The following ARID4B variants were observed in gnomAD, a reference collection of about 807,000 sequenced individuals.
The protein encoded by ARID4B is AT-rich interactive domain-containing protein 4B.
Under a neutral mutation model 147.5 loss-of-function variants are expected in ARID4B, and 26 were observed. The observed-to-expected ratio is 0.18, with a 90% CI of 0.13 to 0.24. The LOEUF is 0.24. ARID4B is among the 10% of genes least tolerant of loss of function. ARID4B has a pLI of 1.00. For synonymous variants in ARID4B, 512 were observed against 507.9 expected (o/e 1.01, Z -0.11); for missense variants, 1,179 against 1,511.5 (o/e 0.78, Z 3.65).
chr1:235,261,988 A>G (rs767070450), intron 2 of ARID4B, among the ~76,000 whole-genome samples: 1 of 152,224 alleles, frequency 6.6e-6, no homozygotes, highest in Non-Finnish European at 1.5e-5. Flanking sequence ...AATGTAAGCT[A>G]AAAGATCTGA....
chr1:235,196,168 A>T, intron 17 of ARID4B, 53 bp from the exon 18 acceptor site: 1 of 898,618 alleles, frequency 1.1e-6, no homozygotes. Context: ...CACGGAAATA[A>T]CCTATGCCAT....
At chr1:235,198,446 T>C (rs914250989) in intron 17 of ARID4B, among the ~76,000 whole-genome samples, 4 of 152,200 alleles carry the variant, frequency 2.6e-5, no homozygotes, top group African/African-American at 9.6e-5. Flanking sequence ...TAAAGGAAGA[T>C]TCCTTTATTA....
chr1:235,214,161 A>C, intron 16 of ARID4B, 135 bp from the exon 17 acceptor site: 3 of 1,098,464 alleles, frequency 2.7e-6, no homozygotes, highest in Non-Finnish European at 3.8e-6. Flanking sequence ...TGAAATTCTC[A>C]GAGTTTCATT....
chr1:235,210,462 A>ATTT (rs1339063938), intron 17 of ARID4B, among the ~76,000 whole-genome samples: 1 of 152,262 alleles, frequency 6.6e-6, no homozygotes, highest in East Asian at 1.9e-4. Flanking sequence ...GCTGATGAGG[A>ATTT]TTTGTTGCAG....
rs1671480460 is a variant in ARID4B, at chr1:235,278,506, T to C, written c.7-17754A>G. Among the ~76,000 whole-genome samples, 3 of 152,004 alleles carry C rather than the reference T, an allele frequency of 2.0e-5. No homozygotes were observed. In the South Asian group the frequency reaches 6.2e-4, roughly 32 times the overall value. ...TGCCAATCCATTTTCCCTAAGAAAA[T>C]GGTGAAGAGAGAATCTACTAGACTG... On this transcript the variant is annotated intron_variant, in intron 2 of 23. Coordinates refer to ENST00000264183, the MANE Select transcript of ARID4B (RefSeq NM_016374.6).
At chr1:235,170,774 A>C (rs767562197) in intron 23 of ARID4B, among the ~76,000 whole-genome samples, 3 of 151,612 alleles carry the variant, frequency 2.0e-5, no homozygotes, top group African/African-American at 4.8e-5. Context: ...TTAGCTGGGC[A>C]TGGCGGCACG....
At position 235,181,440 on chromosome 1, in the gene ARID4B, T is replaced by C. The variant is rs1340966619; in HGVS notation, c.3334+145A>G. On this transcript the variant is annotated intron_variant, in intron 20 of 23. Transcript: ENST00000264183. ...ATGCATTCCACTATTCATTTTCAAATTACCTTTAAAATTTCCATTTTTACC... is the reference window on the plus strand; with the variant it reads ...ATGCATTCCACTATTCATTTTCAAACTACCTTTAAAATTTCCATTTTTACC... The C allele has an allele frequency of 2.7e-6, 3 of 1,124,080 alleles. No homozygotes were observed. In the African/African-American group the frequency reaches 4.7e-5, roughly 18 times the overall value. 69.6% of individuals were successfully genotyped at this position (1,124,080 alleles called of 1,614,324 possible).
At chr1:235,234,306 A>C (rs1468222011) in intron 9 of ARID4B, 107 bp downstream of exon 9, 1 of 721,710 alleles carries the variant, frequency 1.4e-6, no homozygotes, top group African/African-American at 1.8e-5. Flanking sequence ...ATGAAAAATA[A>C]AAGCCTAAGG....
chr1:235,283,928 G>T (rs1671816317), intron 2 of ARID4B, among the ~76,000 whole-genome samples: 1 of 151,898 alleles, frequency 6.6e-6, no homozygotes, highest in Admixed American at 6.6e-5. Context: ...GTAGAGACGG[G>T]GTTTCGATAT....
At chr1:235,290,649 CT>C (rs1672279166) in intron 2 of ARID4B, among the ~76,000 whole-genome samples, 1 of 152,192 alleles carries the variant, frequency 6.6e-6, no homozygotes, top group Non-Finnish European at 1.5e-5. Context: ...TACATCTGTC[CT>C]ATACAGAACT....
chr1:235,228,649 T>G (rs1667999606), intron 11 of ARID4B: 2 of 59,722 alleles, frequency 3.3e-5, no homozygotes, highest in African/African-American at 1.0e-4. Context: ...TTGTTCTCGT[T>G]TTTTTTTTTT....
intron 2 of ARID4B, among the ~76,000 whole-genome samples, chr1:235,318,518 A>T (rs952140707): frequency 2.0e-5 from 3 of 152,188 alleles, no homozygotes; most frequent in Non-Finnish European, 4.4e-5. Flanking sequence ...GAAATCAGAC[A>T]CAAAAAGGCC....
At chr1:235,265,939 G>GT (rs565915906) in intron 2 of ARID4B, among the ~76,000 whole-genome samples, 6 of 151,854 alleles carry the variant, frequency 4.0e-5, no homozygotes, top group Non-Finnish European at 8.8e-5. Context: ...GGAGGCAATT[G>GT]TTTTTTAAAA....
In ARID4B at chr1:235,175,249, T is replaced by C. The variant is rs753168624; in HGVS notation, c.3599A>G (p.Lys1200Arg). Residue 1200 changes from lysine to arginine, a missense_variant, in exon 22 of 24, where the codon AAG becomes AGG. Transcript: ENST00000264183. Reference protein sequence around the residue: ...SPGKCGKNGDKDPDLKEPSNR... With the variant: ...SPGKCGKNGDRDPDLKEPSNR... ...ACTGGGTTCCTTGAGATCAGGATCC[T>C]TATCACCATTCTTTCCACATTTTCC... 5 of 1,614,108 alleles carry C rather than the reference T, an allele frequency of 3.1e-6. No homozygotes were observed. Among genetic ancestry groups the C allele is most frequent in the Non-Finnish European group, 4.2e-6 (5 of 1,180,044 alleles).
chr1:235,182,361 C>T lies in ARID4B; in HGVS notation c.2558G>A (p.Cys853Tyr). 6.2e-7 allele frequency: 1 copy of T among 1,612,082 alleles called. No individual in the cohort carries two copies. Among genetic ancestry groups the T allele is most frequent in the Non-Finnish European group, 8.5e-7 (1 of 1,179,586 alleles). ...EEKAKNKESL[C>Y]MENSSNSSSD... ...AGAGCTGTTGCTACTGTTTTCCATG[C>T]AAAGTGATTCTTTGTTCTTGGCCTT... is the stretch of plus-strand genomic sequence containing the variant. The change falls in exon 20 of 24, where the codon TGC becomes TAC. Residue 853 changes from cysteine to tyrosine, a missense_variant. Coordinates refer to ENST00000264183, the MANE Select transcript of ARID4B (RefSeq NM_016374.6).
chr1:235,227,415 A>C (rs1055644114), intron 11 of ARID4B, among the ~76,000 whole-genome samples: 21 of 152,364 alleles, frequency 1.4e-4, no homozygotes, highest in African/African-American at 4.8e-4. Flanking sequence ...TTTCTACATT[A>C]TACATTGTCA....
intron 3 of ARID4B, among the ~76,000 whole-genome samples, chr1:235,258,744 T>C (rs1185183684): frequency 6.6e-6 from 1 of 152,230 alleles, no homozygotes; most frequent in East Asian, 1.9e-4. Flanking sequence ...TCCCAGGCAT[T>C]TCTGTGTCAT....
At chr1:235,270,162 A>C (rs1670885606) in intron 2 of ARID4B, among the ~76,000 whole-genome samples, 1 of 152,296 alleles carries the variant, frequency 6.6e-6, no homozygotes, top group Non-Finnish European at 1.5e-5. Flanking sequence ...AGGCGCCTGT[A>C]GTCCCAGCCA....
intron 2 of ARID4B, among the ~76,000 whole-genome samples, chr1:235,308,888 G>A (rs1328887243): frequency 2.6e-5 from 4 of 152,306 alleles, no homozygotes; most frequent in Admixed American, 6.5e-5. Flanking sequence ...GCCTCTGCCC[G>A]GCTGCCACCC....
Sources: gnomAD v4.1 joint callset for allele counts (sites outside exome capture counted in the v4.1 genomes callset) on GRCh38, gnomAD v4.1.1 for gene constraint, MANE v1.5 for transcripts, NCBI Gene and HGNC (gene_info 2026-07-23, HGNC 2026-07-21) for gene names.